Variants in SELP observed in about 807,000 individuals in gnomAD.
SELP encodes selectin P.
SELP carries 92 observed loss-of-function variants against 104.1 expected under a neutral mutation model. The ratio of observed to expected loss-of-function variants is 0.88; its 90% confidence interval spans 0.75 to 1.05. SELP has a LOEUF of 1.05. Among genes scored for constraint, SELP ranks in the 50% least tolerant of loss-of-function variants. SELP has a pLI of 0.00. For missense variants in SELP, 1,022 were observed against 1,017.3 expected (o/e 1.00, Z -0.06); for synonymous variants, 397 against 364.5 (o/e 1.09, Z -1.01).
intron 10 of SELP, among the ~76,000 whole-genome samples, chr1:169,601,964 C>A (rs1225435867): frequency 6.6e-6 from 1 of 152,160 alleles, no homozygotes; most frequent in Non-Finnish European, 1.5e-5. Flanking sequence ...CCTTTTGCAA[C>A]TAAACAGGAG....
At chr1:169,618,195 A>G (rs559535013) in intron 2 of SELP, among the ~76,000 whole-genome samples, 1 of 152,358 alleles carries the variant, frequency 6.6e-6, no homozygotes, top group African/African-American at 2.4e-5. Context: ...ATAGGCCTTC[A>G]ATAAATACTT....
chr1:169,606,150 C>G (rs1662182214), intron 9 of SELP, among the ~76,000 whole-genome samples: 1 of 152,194 alleles, frequency 6.6e-6, no homozygotes, highest in African/African-American at 2.4e-5. Flanking sequence ...AACCTCATCT[C>G]TACCAAAAAT....
intron 1 of SELP, among the ~76,000 whole-genome samples, chr1:169,628,143 G>A (rs565312431): frequency 1.6e-4 from 25 of 152,272 alleles, no homozygotes; most frequent in South Asian, 6.2e-4. Context: ...TGATCTATGC[G>A]CCTCGGCCTC....
At position 169,603,056 on chromosome 1, in the gene SELP, G is replaced by A. The variant is rs144811959; in HGVS notation, c.1675C>T (p.Arg559Cys). The A allele has an allele frequency of 3.4e-4, 556 of 1,613,694 alleles. 1 individual carries two copies. Among genetic ancestry groups the A allele is most frequent in the Non-Finnish European group, 4.2e-4 (498 of 1,179,858 alleles). ...PERLDCTRSGRWTDSPPMCEA... is the reference protein window; with the variant it reads ...PERLDCTRSGCWTDSPPMCEA... ...CACATTGGTGGGGAGTCTGTCCAGC[G>A]TCCCGATCGAGTACAATCCAATCTT... is the stretch of plus-strand genomic sequence containing the variant. Residue 559 changes from arginine to cysteine, a missense_variant, in exon 10 of 17, where the codon CGC (arginine) becomes TGC (cysteine). Physicochemically the swap from Arg to Cys is radical, Grantham distance 180. Transcript: ENST00000263686.
At chr1:169,594,912 G>A in intron 12 of SELP, 35 bp from the exon 13 acceptor site, 1 of 1,579,018 alleles carries the variant, frequency 6.3e-7, no homozygotes, top group South Asian at 1.1e-5. Flanking sequence ...GAAACAACAT[G>A]TGGATTGGAG....
chr1:169,607,217 C>T (rs548492642), intron 8 of SELP, 83 bp from the exon 9 acceptor site: 194 of 1,162,762 alleles, frequency 1.7e-4, no homozygotes, highest in Non-Finnish European at 2.1e-4. Context: ...TTTCTAGTGT[C>T]AAGAACAGGG....
rs6136 is a variant in SELP, at chr1:169,594,713, T to C, written c.2266A>G (p.Thr756Ala). 4 of 1,613,542 alleles carry C rather than the reference T, an allele frequency of 2.5e-6. No homozygotes were observed. The South Asian group carries it at 3.3e-5, about 13-fold the overall frequency. ...TACQENGHWSTTVPTCQAGPL... is the reference protein window; with the variant it reads ...TACQENGHWSATVPTCQAGPL... ...GTACCTTGGCAGGTTGGCACGGTAG[T>C]TGACCAGTGGCCATTCTCTTGGCAT... Residue 756 changes from threonine to alanine, a missense_variant, in exon 13 of 17, where the codon ACT becomes GCT. Coordinates refer to ENST00000263686, the MANE Select transcript of SELP (RefSeq NM_003005.4).
intron 10 of SELP, among the ~76,000 whole-genome samples, chr1:169,602,385 G>A (rs183728148): frequency 6.6e-6 from 1 of 152,310 alleles, no homozygotes; most frequent in African/African-American, 2.4e-5. Context: ...ATGTAGGAAT[G>A]AAGAAATGAA....
rs1421211975 is a variant in SELP, at chr1:169,612,811, T to C, written c.775+118A>G. 2.3e-5 allele frequency: 19 copies of C among 816,438 alleles called. No homozygotes were observed. In the South Asian group the frequency reaches 4.3e-4, roughly 19 times the overall value. 50.6% of individuals were successfully genotyped at this position (816,438 alleles called of 1,614,324 possible). A position where few individuals can be genotyped will look rare whatever the true frequency, so the allele number is the denominator to read the frequency against. ...ACAGTTAACAGTGATAACCAGAGTT[T>C]TCCATCTAACCTAGATGGTCATTAT... is the stretch of plus-strand genomic sequence containing the variant. On this transcript the variant is annotated intron_variant, in intron 5 of 16. Transcript: ENST00000263686.
At chr1:169,627,301 G>A (rs1229622727) in intron 1 of SELP, among the ~76,000 whole-genome samples, 1 of 152,096 alleles carries the variant, frequency 6.6e-6, no homozygotes, top group Non-Finnish European at 1.5e-5. Flanking sequence ...GAGAAAAGAG[G>A]TTGTCTCTAA....
intron 12 of SELP, 149 bp from the exon 13 acceptor site, chr1:169,595,026 C>A: frequency 1.6e-6 from 1 of 634,202 alleles, no homozygotes; most frequent in South Asian, 2.2e-5. Context: ...TTCACAGTAG[C>A]TCTTCTAACA....
At chr1:169,614,537 G>A (rs955022656) in intron 3 of SELP, among the ~76,000 whole-genome samples, 2 of 152,180 alleles carry the variant, frequency 1.3e-5, no homozygotes, top group African/African-American at 4.8e-5. Flanking sequence ...TTATTAATGA[G>A]GTCATAGTTG....
At position 169,611,680 on chromosome 1, in the gene SELP, G is replaced by A. The variant is rs1662544314; in HGVS notation, c.962-3C>T. ...TTCCAGGTGCTGACACTGCACAGCTGGAGAGAATAACCAAGGATAAAGAGA... is the reference window on the plus strand; with the variant it reads ...TTCCAGGTGCTGACACTGCACAGCTAGAGAGAATAACCAAGGATAAAGAGA... On this transcript the variant is annotated splice_region_variant and splice_polypyrimidine_tract_variant and intron_variant, in intron 6 of 16. Coordinates refer to ENST00000263686, the MANE Select transcript of SELP (RefSeq NM_003005.4). 6.2e-7 allele frequency: 1 copy of A among 1,613,196 alleles called. No individual in the cohort carries two copies. Among genetic ancestry groups the A allele is most frequent in the African/African-American group, 1.3e-5 (1 of 74,842 alleles).
intron 9 of SELP, 96 bp from the exon 10 acceptor site, chr1:169,603,307 CTGTGTGTGTGTGTGTGTGTGTGTG>C: frequency 3.3e-6 from 2 of 602,454 alleles, no homozygotes; most frequent in Non-Finnish European, 2.7e-6. Context: ...CTCTCTCTCT[CTGTGTGTGTGTGTGTGTGTGTGTG>C]TGTGTGTGTG....
chr1:169,612,177 G>C (rs780313885), intron 6 of SELP, 40 bp downstream of exon 6: 3 of 1,594,674 alleles, frequency 1.9e-6, no homozygotes, highest in East Asian at 4.5e-5. Context: ...TAAGGACTGG[G>C]TGCAATGGAC....
At chr1:169,605,072 C>T (rs2101890003) in intron 9 of SELP, among the ~76,000 whole-genome samples, 1 of 152,282 alleles carries the variant, frequency 6.6e-6, no homozygotes. Context: ...TGAGTGGCAA[C>T]CTCCTTGCTG....
chr1:169,630,095 T>G lies in SELP; in HGVS notation c.-21A>C. 6.2e-7 allele frequency: 1 copy of G among 1,614,110 alleles called. No individual in the cohort carries two copies. Among genetic ancestry groups the G allele is most frequent in the Non-Finnish European group, 8.5e-7 (1 of 1,179,986 alleles). ...ACCATCTCCTCTGTGACTCTGCTGG[T>G]TTTCTGCCTTCTGCCCAACCCAGAC... is the stretch of plus-strand genomic sequence containing the variant. On this transcript the variant is annotated 5_prime_UTR_variant, in exon 1 of 17. Transcript: ENST00000263686.
At chr1:169,617,704 C>T (rs1662893998) in intron 2 of SELP, among the ~76,000 whole-genome samples, 1 of 152,148 alleles carries the variant, frequency 6.6e-6, no homozygotes. Flanking sequence ...TGGAAGTCAT[C>T]TAATTTACTC....
chr1:169,596,866 T>G, intron 11 of SELP, 125 bp downstream of exon 11: 1 of 789,936 alleles, frequency 1.3e-6, no homozygotes, highest in Non-Finnish European at 1.8e-6. Context: ...CTTCAGCTGT[T>G]TGCTAAACCC....
Sources: allele counts gnomAD v4.1 joint callset (sites outside exome capture counted in the v4.1 genomes callset), GRCh38; gene constraint gnomAD v4.1.1; transcripts MANE v1.5; gene names NCBI Gene and HGNC (gene_info 2026-07-23, HGNC 2026-07-21).